Variants in KIF1B observed in about 807,000 individuals in gnomAD.
KIF1B encodes kinesin-like protein KIF1B.
KIF1B carries 76 observed loss-of-function variants against 241.9 expected under a neutral mutation model. That is an observed-to-expected ratio of 0.31 (90% CI 0.26 to 0.38). The LOEUF is 0.38. KIF1B is among the 10% of genes least tolerant of loss of function. The pLI, the probability that KIF1B is intolerant of heterozygous loss-of-function variation, is 1.00. For synonymous variants in KIF1B, 750 were observed against 796.7 expected, an observed-to-expected ratio of 0.94 and a Z score of 0.99; for missense variants, 1,622 against 2,271.4, an observed-to-expected ratio of 0.71 and a Z score of 5.81.
At chr1:10,212,703 G>A (rs1211183250) in intron 1 of KIF1B, among the ~76,000 whole-genome samples, 1 of 151,794 alleles carries the variant, frequency 6.6e-6, no homozygotes, top group Admixed American at 6.6e-5. Flanking sequence ...GGGCAACAGA[G>A]TGGGACTCTG....
In KIF1B at chr1:10,320,153, G is replaced by A. The variant is rs1651464554; in HGVS notation, c.2209+17G>A. 5 of 1,538,080 alleles carry A rather than the reference G, an allele frequency of 3.3e-6. No homozygotes were observed. The highest frequency in any genetic ancestry group is 1.7e-5 in the Admixed American group (1 of 59,908). ...AGGAAGAAGGTGAAATCTAGAGACC[G>A]AAAGTTTCCTGTGTATATCTTTTTG... On this transcript the variant is annotated intron_variant, in intron 23 of 48. Coordinates refer to ENST00000676179, the MANE Select transcript of KIF1B (RefSeq NM_001365951.3).
intron 22 of KIF1B, among the ~76,000 whole-genome samples, 167 bp downstream of exon 22, chr1:10,297,413 A>G (rs1290719869): frequency 6.6e-6 from 1 of 152,190 alleles, no homozygotes; most frequent in African/African-American, 2.4e-5. Flanking sequence ...CGGTAGCCTT[A>G]GCCTGAAAAA....
chr1:10,313,733 G>A (rs1264873344), intron 22 of KIF1B, among the ~76,000 whole-genome samples: 2 of 150,662 alleles, frequency 1.3e-5, no homozygotes, highest in Middle Eastern at 3.2e-3. Flanking sequence ...TGTAGTTTTA[G>A]TAGAGACGGG....
At position 10,308,209 on chromosome 1, in the gene KIF1B, T is replaced by G. The variant is rs551891400; in HGVS notation, c.2115+10963T>G. 1.2e-5 allele frequency: 13 copies of G among 1,061,604 alleles called. No homozygotes were observed. The South Asian group carries it at 5.5e-4, about 45-fold the overall frequency. The allele number at this position is 1,061,604 out of a possible 1,614,324, so 65.8% of individuals were successfully genotyped here. ...GGCGGGGATGCTGCCTGTGTCCTGG[T>G]GAACCTTAATGAAGGGGCCGTCTTA... On this transcript the variant is annotated intron_variant, in intron 22 of 48. Coordinates refer to ENST00000676179, the MANE Select transcript of KIF1B (RefSeq NM_001365951.3).
intron 2 of KIF1B, among the ~76,000 whole-genome samples, chr1:10,247,907 A>G (rs1265492411): frequency 2.0e-5 from 3 of 152,086 alleles, no homozygotes; most frequent in African/African-American, 4.8e-5. Flanking sequence ...TTAGATTCTC[A>G]TAAGGAGCGG....
intron 15 of KIF1B, among the ~76,000 whole-genome samples, chr1:10,287,066 A>G (rs115578341): frequency 4.7e-3 from 715 of 152,312 alleles, no homozygotes; most frequent in Non-Finnish European, 8.3e-3. Flanking sequence ...TAAGTTTGCT[A>G]CTCAGGCTTG....
intron 1 of KIF1B, among the ~76,000 whole-genome samples, chr1:10,218,516 G>T (rs900988397): frequency 4.0e-5 from 6 of 151,890 alleles, no homozygotes; most frequent in Non-Finnish European, 7.4e-5. Flanking sequence ...CATCTCCCGG[G>T]TTCAAGTGAT....
At chr1:10,366,210 G>A (rs536053571) in intron 43 of KIF1B, among the ~76,000 whole-genome samples, 4 of 152,130 alleles carry the variant, frequency 2.6e-5, no homozygotes. Context: ...CAGCCTGAGC[G>A]ACAGAGTGAC....
chr1:10,279,022 C>T (rs1308414140), intron 13 of KIF1B, 75 bp from the exon 14 acceptor site: 20 of 1,066,532 alleles, frequency 1.9e-5, no homozygotes, highest in Non-Finnish European at 1.4e-6. Context: ...CCAAAAACTG[C>T]TCTGTTCCCT....
At chr1:10,259,771 ATT>A (rs1648019690) in intron 4 of KIF1B, among the ~76,000 whole-genome samples, 1 of 151,778 alleles carries the variant, frequency 6.6e-6, no homozygotes, top group Non-Finnish European at 1.5e-5. Context: ...AAGTGCAGGG[ATT>A]GCAGGCATGA....
intron 27 of KIF1B, among the ~76,000 whole-genome samples, chr1:10,330,900 G>A (rs1000757927): frequency 6.6e-5 from 10 of 152,168 alleles, no homozygotes; most frequent in African/African-American, 2.4e-4. Flanking sequence ...TGTTGTCGGA[G>A]ATCACATAAC....
chr1:10,345,477 A>C (rs1351805834), intron 34 of KIF1B: 1 of 304,380 alleles, frequency 3.3e-6, no homozygotes, highest in Non-Finnish European at 6.3e-6. Flanking sequence ...CTGTGACGTG[A>C]GGCTTTCCAA....
intron 11 of KIF1B, 87 bp downstream of exon 11, chr1:10,275,590 A>G: frequency 2.4e-6 from 2 of 828,440 alleles, no homozygotes; most frequent in Non-Finnish European, 4.3e-6. Context: ...TTTGGAGACA[A>G]ATAATCTCTA....
rs1447367682 is a variant in KIF1B, at chr1:10,337,064, T to G, written c.3130-10T>G. Reference sequence around the variant, plus strand: ...ACTTTACCATGTATCTGCCCCTGCCTTTTTTTCAGAGTGACTTTTCGTCTG... The same window carrying G: ...ACTTTACCATGTATCTGCCCCTGCCGTTTTTTCAGAGTGACTTTTCGTCTG... On this transcript the variant is annotated splice_polypyrimidine_tract_variant and intron_variant, in intron 29 of 48. Coordinates refer to ENST00000676179, the MANE Select transcript of KIF1B (RefSeq NM_001365951.3). This position sits in a 1 kb window ranked among gnomAD's most constrained non-coding sequence, Gnocchi z 4.0. The G allele has an allele frequency of 6.2e-7, 1 of 1,613,542 alleles. No individual in the cohort carries two copies. The highest frequency in any genetic ancestry group is 8.5e-7 in the Non-Finnish European group (1 of 1,179,602).
At chr1:10,231,596 A>G (rs1200846490) in intron 1 of KIF1B, among the ~76,000 whole-genome samples, 2 of 151,948 alleles carry the variant, frequency 1.3e-5, no homozygotes, top group East Asian at 3.9e-4. Flanking sequence ...CATGTTGGCC[A>G]GGCTGGTCTC....
At chr1:10,366,721 C>T (rs569326552) in intron 43 of KIF1B, among the ~76,000 whole-genome samples, 12 of 152,228 alleles carry the variant, frequency 7.9e-5, no homozygotes, top group Non-Finnish European at 2.9e-5. Flanking sequence ...GCCTGTAATC[C>T]CACCACTTTG....
chr1:10,329,229 T>C (rs1277380018), intron 27 of KIF1B, among the ~76,000 whole-genome samples: 1 of 152,212 alleles, frequency 6.6e-6, no homozygotes. Flanking sequence ...TGAAATAATA[T>C]AATAGCAATC....
rs184214802 is a variant in KIF1B, at chr1:10,336,861, A to C, written c.3129+119A>C. On this transcript the variant is annotated intron_variant, in intron 29 of 48. Coordinates refer to ENST00000676179, the MANE Select transcript of KIF1B (RefSeq NM_001365951.3). ...GGTGCTGGTTGCCACAGAGTAGTTC[A>C]ATAGAATATGGGACATGTCTAACAA... is the stretch of plus-strand genomic sequence containing the variant. 841 of 1,102,810 alleles carry C rather than the reference A, an allele frequency of 7.6e-4. 4 individuals carry two copies. In the African/African-American group the frequency reaches 0.012, roughly 15 times the overall value. The allele number at this position is 1,102,810 out of a possible 1,614,324, so 68.3% of individuals were successfully genotyped here. A position where few individuals can be genotyped will look rare whatever the true frequency, so the allele number is the denominator to read the frequency against.
chr1:10,221,411 T>C (rs993105313), intron 1 of KIF1B, among the ~76,000 whole-genome samples: 5 of 152,174 alleles, frequency 3.3e-5, no homozygotes, highest in Admixed American at 2.6e-4. Context: ...TTTTCTAATA[T>C]ATGATTCATT....
Sources: gnomAD v4.1 joint callset for allele counts (sites outside exome capture counted in the v4.1 genomes callset) on GRCh38, gnomAD v4.1.1 for gene constraint, Gnocchi (gnomAD v3.1) non-coding constraint, MANE v1.5 for transcripts, NCBI Gene and HGNC (gene_info 2026-07-23, HGNC 2026-07-21) for gene names.